Variants in ACER3 observed in about 807,000 individuals in gnomAD.
The protein encoded by ACER3 is alkCDase 3.
A neutral mutation model predicts 48.9 loss-of-function variants in ACER3; 16 were observed. That is an observed-to-expected ratio of 0.33 (90% CI 0.22 to 0.50). The LOEUF (loss-of-function observed/expected upper bound fraction) is 0.50. ACER3 is among the 20% of genes least tolerant of loss of function. The pLI, the probability that ACER3 is intolerant of heterozygous loss-of-function variation, is 0.98. For synonymous variants in ACER3, 109 were observed against 107.8 expected, an observed-to-expected ratio of 1.01 and a Z score of -0.07; for missense variants, 227 against 326.0, an observed-to-expected ratio of 0.70 and a Z score of 2.34.
At chr11:76,978,084 G>A (rs1168036790) in intron 4 of ACER3, among the ~76,000 whole-genome samples, 2 of 152,202 alleles carry the variant, frequency 1.3e-5, no homozygotes, top group Non-Finnish European at 2.9e-5. Context: ...AGCTTGGTGT[G>A]GGCCTGCAGG....
In ACER3 at chr11:77,016,527, G is replaced by A. The variant is rs1303253672; in HGVS notation, c.600-148G>A. On this transcript the variant is annotated intron_variant, in intron 8 of 10. Coordinates refer to ENST00000532485, the MANE Select transcript of ACER3 (RefSeq NM_018367.7). ...AATACTGTTCCTCAGAATGTACTTT[G>A]GATAACAATGTGGCAGACTACAGGA... The A allele has an allele frequency of 8.7e-6, 4 of 458,272 alleles. No individual in the cohort carries two copies. In the East Asian group the frequency reaches 1.4e-4, roughly 15 times the overall value. 28.4% of individuals were successfully genotyped at this position (458,272 alleles called of 1,614,324 possible). A position where few individuals can be genotyped will look rare whatever the true frequency, so the allele number is the denominator to read the frequency against.
At chr11:76,877,494 T>C (rs1285344736) in intron 1 of ACER3, among the ~76,000 whole-genome samples, 2 of 152,152 alleles carry the variant, frequency 1.3e-5, no homozygotes, top group Non-Finnish European at 2.9e-5. Context: ...CTATTTCACC[T>C]TCTGAGTAGC....
chr11:76,869,403 T>G (rs1945184532), intron 1 of ACER3, among the ~76,000 whole-genome samples: 1 of 152,240 alleles, frequency 6.6e-6, no homozygotes, highest in Non-Finnish European at 1.5e-5. Context: ...ACTTAAAACA[T>G]AGATAGGTTC....
At chr11:76,955,816 A>T (rs1307601794) in intron 2 of ACER3, among the ~76,000 whole-genome samples, 1 of 152,242 alleles carries the variant, frequency 6.6e-6, no homozygotes, top group African/African-American at 2.4e-5. Context: ...TGATGAATGG[A>T]TAAGTAAAAT....
At position 77,014,963 on chromosome 11, in the gene ACER3, C is replaced by T. The variant is rs550101115; in HGVS notation, c.498-53C>T. On this transcript the variant is annotated intron_variant, in intron 7 of 10. Coordinates refer to ENST00000532485, the MANE Select transcript of ACER3 (RefSeq NM_018367.7). ...GAAAGTGATGGCTTCAATTTCTGAT[C>T]GTGACATGACTTGAGAAAATTTTAT... 5.0e-5 allele frequency: 54 copies of T among 1,070,506 alleles called. No homozygotes were observed. In the East Asian group the frequency reaches 8.0e-4, roughly 16 times the overall value. The allele number at this position is 1,070,506 out of a possible 1,614,324, so 66.3% of individuals were successfully genotyped here. A position where few individuals can be genotyped will look rare whatever the true frequency, so the allele number is the denominator to read the frequency against.
chr11:76,998,333 A>G (rs1480090187), intron 6 of ACER3, among the ~76,000 whole-genome samples: 1 of 152,228 alleles, frequency 6.6e-6, no homozygotes, highest in Non-Finnish European at 1.5e-5. Flanking sequence ...GAGGATGCAT[A>G]TAAATGCAGA....
chr11:76,952,352 C>T (rs536928083), intron 2 of ACER3, among the ~76,000 whole-genome samples: 3 of 151,452 alleles, frequency 2.0e-5, no homozygotes, highest in Admixed American at 6.6e-5. Context: ...CTCCGCCTCC[C>T]AGGTTCAAGG....
At chr11:76,982,953 C>T (rs140817455) in intron 4 of ACER3, among the ~76,000 whole-genome samples, 4 of 152,266 alleles carry the variant, frequency 2.6e-5, no homozygotes, top group African/African-American at 9.6e-5. Context: ...TTGATCACTG[C>T]GTGTATCCTC....
At chr11:77,011,461 G>A in intron 7 of ACER3, 1 of 822,770 alleles carries the variant, frequency 1.2e-6, no homozygotes, top group Non-Finnish European at 1.5e-6. Context: ...GGCCCACACT[G>A]CCAGAAGCCT....
chr11:77,004,132 A>C (rs1949087134), intron 7 of ACER3, among the ~76,000 whole-genome samples: 1 of 152,188 alleles, frequency 6.6e-6, no homozygotes, highest in Admixed American at 6.5e-5. Flanking sequence ...CTGATGATTC[A>C]CTAGGACTCA....
chr11:76,957,546 C>T (rs375081781), intron 2 of ACER3: 76 of 429,552 alleles, frequency 1.8e-4, no homozygotes, highest in Admixed American at 2.6e-4. Flanking sequence ...CAGGTTTACG[C>T]GATCCTTCTG....
intron 1 of ACER3, among the ~76,000 whole-genome samples, chr11:76,897,242 CCACCA>C (rs1330470482): frequency 6.6e-6 from 1 of 152,180 alleles, no homozygotes; most frequent in Non-Finnish European, 1.5e-5. Context: ...CAGGCATGAG[CCACCA>C]CACCTGGCCA....
chr11:76,913,085 C>A (rs929448557), intron 1 of ACER3, among the ~76,000 whole-genome samples: 3 of 152,072 alleles, frequency 2.0e-5, no homozygotes, highest in African/African-American at 4.8e-5. Flanking sequence ...GGTCCTTCAC[C>A]TCCCTTGTAA....
At chr11:76,935,786 T>C (rs1230533949) in intron 2 of ACER3, among the ~76,000 whole-genome samples, 1 of 152,228 alleles carries the variant, frequency 6.6e-6, no homozygotes, top group Admixed American at 6.5e-5. Flanking sequence ...TTTAAATTAA[T>C]TACATTTAAA....
At chr11:76,899,671 G>A (rs1254117095) in intron 1 of ACER3, among the ~76,000 whole-genome samples, 1 of 151,916 alleles carries the variant, frequency 6.6e-6, no homozygotes, top group Non-Finnish European at 1.5e-5. Flanking sequence ...TATTTTTTAG[G>A]GAGATCACAG....
At chr11:76,875,484 T>A (rs1316927568) in intron 1 of ACER3, among the ~76,000 whole-genome samples, 1 of 152,136 alleles carries the variant, frequency 6.6e-6, no homozygotes, top group Admixed American at 6.5e-5. Flanking sequence ...TCAGTGAATA[T>A]CCATTCACCC....
intron 7 of ACER3, among the ~76,000 whole-genome samples, chr11:77,008,633 G>A (rs1949202523): frequency 6.6e-6 from 1 of 152,168 alleles, no homozygotes; most frequent in East Asian, 1.9e-4. Flanking sequence ...AAATCAAATT[G>A]AAACTCTTAA....
At chr11:76,963,967 G>C (rs1948068243) in intron 3 of ACER3, among the ~76,000 whole-genome samples, 1 of 151,426 alleles carries the variant, frequency 6.6e-6, no homozygotes, top group Non-Finnish European at 1.5e-5. Flanking sequence ...GACATTGGGT[G>C]CAGGTCAGTG....
intron 1 of ACER3, among the ~76,000 whole-genome samples, chr11:76,924,887 A>G (rs1281885421): frequency 6.8e-6 from 1 of 147,860 alleles, no homozygotes; most frequent in Non-Finnish European, 1.5e-5. Flanking sequence ...GACACACAAG[A>G]ATCTCTTGAG....
Sources: gnomAD v4.1 joint callset for allele counts (sites outside exome capture counted in the v4.1 genomes callset) on GRCh38, gnomAD v4.1.1 for gene constraint, MANE v1.5 for transcripts, NCBI Gene and HGNC (gene_info 2026-07-23, HGNC 2026-07-21) for gene names.